PRELID3B: variants seen among roughly 807,000 people sequenced by gnomAD.
PRELID3B encodes the protein PRELI domain containing protein 3B.
A neutral mutation model predicts 24.0 loss-of-function variants in PRELID3B; 15 were observed. That is an observed-to-expected ratio of 0.63 (90% CI 0.42 to 0.96). The LOEUF (loss-of-function observed/expected upper bound fraction) is 0.96, where lower values mean the gene tolerates loss of function less well. Ranked by LOEUF, PRELID3B falls within the 40% of genes least tolerant of loss-of-function variation. The pLI, the probability that PRELID3B is intolerant of heterozygous loss-of-function variation, is 0.00. For missense variants in PRELID3B, 189 were observed against 236.0 expected, an observed-to-expected ratio of 0.80 and a Z score of 1.30; for synonymous variants, 62 against 76.0, an observed-to-expected ratio of 0.82 and a Z score of 0.96.
intron 1 of PRELID3B, among the ~76,000 whole-genome samples, 194 bp downstream of exon 1, chr20:59,042,505 G>A (rs1331078840): frequency 6.6e-6 from 1 of 152,172 alleles, no homozygotes; most frequent in Non-Finnish European, 1.5e-5. Context: ...GGTCGGAGCC[G>A]TCCCCTCGGC....
chr20:59,038,513 G>A lies in PRELID3B; in HGVS notation c.154C>T (p.His52Tyr), dbSNP rs1009621921. 1 of 1,613,888 alleles carries A rather than the reference G, an allele frequency of 6.2e-7. No homozygotes were observed. The highest frequency in any genetic ancestry group is 8.5e-7 in the Non-Finnish European group (1 of 1,179,852). Residue 52 changes from histidine (H) to tyrosine (Y), a missense_variant, in exon 2 of 6, where the codon CAC (histidine) becomes TAC (tyrosine). His to Tyr is a moderately conservative substitution (Grantham distance 83, BLOSUM62 2). Transcript: ENST00000355937. ...CCCCACTCTGTGCTGAGAAGTCTGT[G>A]GCTGTGCAACTTTCCAGAGGGATCT... is the stretch of plus-strand genomic sequence containing the variant. The part of the protein sequence containing the change: ...HIDPSGKLHS[H>Y]RLLSTEWGLP...
At chr20:59,042,539 T>C (rs2092118043) in intron 1 of PRELID3B, among the ~76,000 whole-genome samples, 160 bp downstream of exon 1, 1 of 149,196 alleles carries the variant, frequency 6.7e-6, no homozygotes, top group Non-Finnish European at 1.5e-5. Context: ...GGTCGTGACC[T>C]TGGTCTGCCC....
In PRELID3B at chr20:59,036,770, G is replaced by C; in HGVS notation, c.292-10C>G. On this transcript the variant is annotated splice_polypyrimidine_tract_variant and intron_variant, in intron 3 of 5. Transcript: ENST00000355937. Reference sequence around the variant, plus strand: ...TGTTTGTAAATGAAATCTACAGAATGAAGAAAAAAAAAAAAGATCAAATCA... The same window carrying C: ...TGTTTGTAAATGAAATCTACAGAATCAAGAAAAAAAAAAAAGATCAAATCA... The C allele has an allele frequency of 1.4e-6, 2 of 1,422,414 alleles. No individual in the cohort carries two copies. The highest frequency in any genetic ancestry group is 1.4e-5 in the South Asian group (1 of 73,354). The allele number at this position is 1,422,414 out of a possible 1,614,324, so 88.1% of individuals were successfully genotyped here.
intron 2 of PRELID3B, chr20:59,038,111 A>G (rs1568698064): frequency 5.4e-6 from 1 of 186,736 alleles, no homozygotes. Context: ...AATGTACACA[A>G]CCCACCACTG....
At chr20:59,039,104 GA>G (rs1390683188) in intron 1 of PRELID3B, among the ~76,000 whole-genome samples, 1 of 152,142 alleles carries the variant, frequency 6.6e-6, no homozygotes, top group African/African-American at 2.4e-5. Flanking sequence ...TTCTTACAGG[GA>G]TCACAAAAAG....
chr20:59,037,803 T>A (rs1302719463), intron 2 of PRELID3B, among the ~76,000 whole-genome samples: 1 of 152,240 alleles, frequency 6.6e-6, no homozygotes, highest in East Asian at 1.9e-4. Flanking sequence ...CATTTCTGTG[T>A]CTGCACTATG....
Position 59,033,274 on chromosome 20 carries a change from T to C in PRELID3B, c.*1733A>G, listed in dbSNP as rs181930236. 6.6e-6 allele frequency: 1 copy of C among 152,382 alleles called. No homozygotes were observed. Among genetic ancestry groups the C allele is most frequent in the African/African-American group, 2.4e-5 (1 of 41,598 alleles). The allele number at this position is 152,382 out of a possible 1,614,324, so 9.4% of individuals were successfully genotyped here. ...TTCTCTTAAATTCATTTGCTTGTTG[T>C]GCATTTATGTTTAAAAAGGTAACTA... On this transcript the variant is annotated 3_prime_UTR_variant, in exon 6 of 6. Coordinates refer to ENST00000355937, the MANE Select transcript of PRELID3B (RefSeq NM_016045.3).
chr20:59,042,190 C>A (rs2092114864), intron 1 of PRELID3B, among the ~76,000 whole-genome samples: 1 of 152,340 alleles, frequency 6.6e-6, no homozygotes, highest in Middle Eastern at 3.4e-3. Context: ...TGTGAAAAGG[C>A]TTCACATCCT....
rs916935971 is a variant in PRELID3B, at chr20:59,038,701, A to T, written c.33-67T>A. On this transcript the variant is annotated intron_variant, in intron 1 of 5. Coordinates refer to ENST00000355937, the MANE Select transcript of PRELID3B (RefSeq NM_016045.3). ...ATTTAAAATTATGCATATGAGTTAA[A>T]CAATTTTTATAATCTATCAAATCAT... is the stretch of plus-strand genomic sequence containing the variant. 123 of 1,489,310 alleles carry T rather than the reference A, an allele frequency of 8.3e-5. No homozygotes were observed. In the Middle Eastern group the frequency reaches 1.3e-3, roughly 15 times the overall value. 92.3% of individuals were successfully genotyped at this position (1,489,310 alleles called of 1,614,324 possible).
At chr20:59,036,409 C>T in intron 5 of PRELID3B, 62 bp downstream of exon 5, 3 of 1,267,116 alleles carry the variant, frequency 2.4e-6, no homozygotes, top group Non-Finnish European at 3.5e-6. Flanking sequence ...ATGCAGTCAG[C>T]ACCCCATTCC....
rs2092061409 is a variant in PRELID3B at position 59,035,043 on chromosome 20, C to T, written c.549G>A (p.Arg183=). The T allele has an allele frequency of 1.2e-6, 2 of 1,613,952 alleles. No homozygotes were observed. The highest frequency in any genetic ancestry group is 1.7e-6 in the Non-Finnish European group (2 of 1,179,934). Residue 183 remains arginine, a synonymous_variant, in exon 6 of 6, where the codon AGG becomes AGA. Coordinates refer to ENST00000355937, the MANE Select transcript of PRELID3B (RefSeq NM_016045.3). ...CAAACGCTGCTGCTGCCATTGGAGT[C>T]CTTATGGTTCCTCTTGCTGAGGCTG... ...ELTASARGTI[R]TPMAAAAFAE... is the part of the protein sequence containing the mutation.
intron 5 of PRELID3B, 88 bp from the exon 6 acceptor site, chr20:59,035,214 C>G (rs931929636): frequency 9.5e-6 from 12 of 1,268,030 alleles, no homozygotes; most frequent in Non-Finnish European, 1.3e-5. Context: ...TAACAAGGGG[C>G]GTGACAAGTT....
intron 1 of PRELID3B, among the ~76,000 whole-genome samples, chr20:59,041,397 A>C (rs1284470824): frequency 1.3e-5 from 2 of 152,186 alleles, no homozygotes; most frequent in Non-Finnish European, 1.5e-5. Flanking sequence ...CACTGAGTAC[A>C]AATGCGGACA....
chr20:59,036,785 AGATC>A, intron 3 of PRELID3B, 25 bp from the exon 4 acceptor site: 3 of 1,413,466 alleles, frequency 2.1e-6, no homozygotes, highest in Non-Finnish European at 2.9e-6. Flanking sequence ...AAAAAAAAAA[AGATC>A]AAATCATTTT....
At position 59,034,943 on chromosome 20, in the gene PRELID3B, A is replaced by T. The variant is rs2092059925; in HGVS notation, c.*64T>A. ...AATATAGTTGTATTTTTAAAATAAC[A>T]AATAAATATATAGTCAGTTTGGAGA... On this transcript the variant is annotated 3_prime_UTR_variant, in exon 6 of 6. Transcript: ENST00000355937. 3.6e-6 allele frequency: 5 copies of T among 1,394,150 alleles called. No individual in the cohort carries two copies. Among genetic ancestry groups the T allele is most frequent in the Non-Finnish European group, 4.7e-6 (5 of 1,058,256 alleles). The allele number at this position is 1,394,150 out of a possible 1,614,324, so 86.4% of individuals were successfully genotyped here. A position where few individuals can be genotyped will look rare whatever the true frequency, so the allele number is the denominator to read the frequency against.
At chr20:59,042,266 A>G (rs2092115345) in intron 1 of PRELID3B, among the ~76,000 whole-genome samples, 2 of 152,230 alleles carry the variant, frequency 1.3e-5, no homozygotes. Flanking sequence ...GCGGCCAGGG[A>G]AAGTACACTC....
At position 59,036,528 on chromosome 20, in the gene PRELID3B, G is replaced by GCTAAC. The variant is rs1568697109; in HGVS notation, c.403_407dup (p.Ser136ArgfsTer11). On this transcript the variant is annotated frameshift_variant, in exon 5 of 6. Coordinates refer to ENST00000355937, the MANE Select transcript of PRELID3B (RefSeq NM_016045.3). LOFTEE classifies it high-confidence loss of function. ...TCAGTCCTTCAAGGTAACTGCTGAG[G>GCTAAC]CTAACTCCTTTCACGGTAATTATGG... The GCTAAC allele has an allele frequency of 6.2e-7, 1 of 1,614,142 alleles. No individual in the cohort carries two copies.
chr20:59,037,773 GC>G (rs2092084432), intron 2 of PRELID3B, among the ~76,000 whole-genome samples: 1 of 152,198 alleles, frequency 6.6e-6, no homozygotes, highest in South Asian at 2.1e-4. Context: ...ATGACCCCAA[GC>G]CCACCCCCTG....
chr20:59,037,844 T>C (rs2092085118), intron 2 of PRELID3B, among the ~76,000 whole-genome samples: 1 of 151,950 alleles, frequency 6.6e-6, no homozygotes, highest in South Asian at 2.1e-4. Context: ...AGTACATTCC[T>C]ATTGAAAATG....
Sources: gnomAD v4.1 joint callset for allele counts (sites outside exome capture counted in the v4.1 genomes callset) on GRCh38, gnomAD v4.1.1 for gene constraint, MANE v1.5 for transcripts, NCBI Gene and HGNC (gene_info 2026-07-23, HGNC 2026-07-21) for gene names.